Variants in ZWILCH observed in about 807,000 individuals in gnomAD.
ZWILCH encodes protein zwilch homolog.
A neutral mutation model predicts 79.9 loss-of-function variants in ZWILCH; 74 were observed. The ratio of observed to expected loss-of-function variants is 0.93; its 90% CI spans 0.77 to 1.12. The LOEUF (loss-of-function observed/expected upper bound fraction) is 1.12, where lower values mean the gene tolerates loss of function less well. Ranked by LOEUF, ZWILCH falls within the 50% of genes most tolerant of loss-of-function variation. The pLI, the probability that ZWILCH is intolerant of heterozygous loss-of-function variation, is 0.00. For synonymous variants in ZWILCH, 241 were observed against 228.2 expected (o/e 1.06, Z -0.51); for missense variants, 694 against 687.5 (o/e 1.01, Z -0.11).
At chr15:66,515,450 C>A in intron 3 of ZWILCH, 76 bp from the exon 4 acceptor site, 1 of 876,316 alleles carries the variant, frequency 1.1e-6, no homozygotes, top group Admixed American at 2.3e-5. Flanking sequence ...TGTCATTATT[C>A]TGTAGCATAG....
intron 1 of ZWILCH, among the ~76,000 whole-genome samples, chr15:66,507,986 G>A (rs1893892729): frequency 1.3e-5 from 2 of 150,400 alleles, no homozygotes; most frequent in Admixed American, 6.6e-5. Context: ...TGAGTTATAC[G>A]TAAGACATAA....
chr15:66,533,001 T>G lies in ZWILCH; in HGVS notation c.1329T>G (p.Ser443=), dbSNP rs1157556957. 2 of 1,581,414 alleles carry G rather than the reference T, an allele frequency of 1.3e-6. No homozygotes were observed. Among genetic ancestry groups the G allele is most frequent in the African/African-American group, 2.7e-5 (2 of 74,204 alleles). The stretch of plus-strand genomic sequence containing the variant: ...TCTTAATAGGTCAGGAACTTGCATC[T>G]TTGAATCATTTGGTGAGTTTATTTT... ...ISFFIGQELA[S]LNHLEYFIAP... is the part of the protein sequence containing the mutation. The change falls in exon 14 of 19, where the codon TCT becomes TCG. Residue 443 remains serine (S), a synonymous_variant. Coordinates refer to ENST00000307897, the MANE Select transcript of ZWILCH (RefSeq NM_017975.5).
chr15:66,508,992 T>C (rs1166768748), intron 2 of ZWILCH, 100 bp downstream of exon 2: 6 of 1,308,244 alleles, frequency 4.6e-6, no homozygotes, highest in South Asian at 3.8e-5. Flanking sequence ...CAGGCTGGAG[T>C]GCAGTGGCGC....
intron 3 of ZWILCH, chr15:66,514,306 A>C (rs937690177): frequency 1.0e-4 from 26 of 255,978 alleles, no homozygotes; most frequent in African/African-American, 6.3e-4. Context: ...AAATTCACTT[A>C]TTTCTTTTTT....
At chr15:66,519,731 C>G (rs958785378) in intron 5 of ZWILCH, among the ~76,000 whole-genome samples, 11 of 152,136 alleles carry the variant, frequency 7.2e-5, no homozygotes, top group African/African-American at 2.2e-4. Flanking sequence ...AGATCCACCC[C>G]CCTCGGCCTC....
chr15:66,509,848 T>C (rs1893980873), intron 2 of ZWILCH, among the ~76,000 whole-genome samples: 3 of 96,182 alleles, frequency 3.1e-5, no homozygotes, highest in African/African-American at 7.2e-5. Flanking sequence ...TATATATATA[T>C]ATATATATAT....
chr15:66,544,693 AT>A (rs200177202), intron 17 of ZWILCH, among the ~76,000 whole-genome samples: 1,909 of 137,544 alleles, frequency 0.014, 36 homozygotes, highest in African/African-American at 0.049. Flanking sequence ...TGTGAAAAAA[AT>A]GCCTTGTTTT....
intron 4 of ZWILCH, among the ~76,000 whole-genome samples, chr15:66,517,455 T>TATATATATATATATATATATAGAGAG (rs1180456312): frequency 1.0e-4 from 12 of 115,204 alleles, no homozygotes; most frequent in Admixed American, 2.0e-4. Flanking sequence ...TATATATATA[T>TATATATATATATATATATATAGAGAG]AGTAATGTAC....
chr15:66,506,264 C>A (rs1403636505), intron 1 of ZWILCH, among the ~76,000 whole-genome samples: 1 of 152,050 alleles, frequency 6.6e-6, no homozygotes, highest in East Asian at 1.9e-4. Context: ...AGAGCACTAG[C>A]TTTTAAAAAA....
At chr15:66,525,143 A>G (rs1260664990) in intron 8 of ZWILCH, among the ~76,000 whole-genome samples, 1 of 152,142 alleles carries the variant, frequency 6.6e-6, no homozygotes, top group African/African-American at 2.4e-5. Context: ...TCGTTCCTTC[A>G]ATTTCCTACG....
At chr15:66,521,807 T>C (rs1894503496) in intron 7 of ZWILCH, among the ~76,000 whole-genome samples, 1 of 152,154 alleles carries the variant, frequency 6.6e-6, no homozygotes, top group Non-Finnish European at 1.5e-5. Flanking sequence ...GGCCCTCTTA[T>C]TCTTAAAAGG....
intron 17 of ZWILCH, among the ~76,000 whole-genome samples, chr15:66,544,889 G>C (rs1194161262): frequency 6.6e-6 from 1 of 151,434 alleles, no homozygotes; most frequent in African/African-American, 2.4e-5. Context: ...GATTACAGGC[G>C]CGTGCCACCA....
chr15:66,518,288 C>CTTT (rs537865347), intron 4 of ZWILCH, among the ~76,000 whole-genome samples: 24 of 124,022 alleles, frequency 1.9e-4, no homozygotes, highest in Non-Finnish European at 3.5e-4. Context: ...CCTCTCGTGT[C>CTTT]TTTTTTTTTT....
intron 6 of ZWILCH, 69 bp from the exon 7 acceptor site, chr15:66,520,981 A>T: frequency 6.5e-7 from 1 of 1,530,976 alleles, no homozygotes; most frequent in South Asian, 1.2e-5. Flanking sequence ...GGATCAAAAT[A>T]ATTTGGGTAA....
At position 66,529,569 on chromosome 15, in the gene ZWILCH, C is replaced by G; in HGVS notation, c.1151C>G (p.Pro384Arg). The part of the protein sequence containing the change: ...IQSLQRGDIQ[P>R]WLHSGSNSLL... ...AGTCTACAACGTGGTGATATACAGC[C>G]ATGGGTAGGTTTAGTAGTGTGTGTC... The change falls in exon 12 of 19, where the codon CCA (proline) becomes CGA (arginine). Residue 384 changes from proline (P) to arginine (R), a missense_variant. Physicochemically the swap from Pro to Arg is moderately radical, Grantham distance 103. Transcript: ENST00000307897. The G allele has an allele frequency of 1.2e-6, 2 of 1,612,338 alleles. No individual in the cohort carries two copies. The highest frequency in any genetic ancestry group is 1.7e-6 in the Non-Finnish European group (2 of 1,178,512).
chr15:66,545,742 G>A (rs1463642232), intron 17 of ZWILCH, among the ~76,000 whole-genome samples: 1 of 152,140 alleles, frequency 6.6e-6, no homozygotes, highest in Non-Finnish European at 1.5e-5. Context: ...ACCCATTTTC[G>A]AAGGGGGTAT....
intron 10 of ZWILCH, 130 bp from the exon 11 acceptor site, chr15:66,528,722 T>C: frequency 1.5e-6 from 1 of 663,062 alleles, no homozygotes; most frequent in Admixed American, 2.8e-5. Context: ...GTGAATGAAG[T>C]TGTAGAAAAT....
intron 7 of ZWILCH, chr15:66,523,282 AGATTTATTGG>A (rs71455515): frequency 0.057 from 9,379 of 163,870 alleles, 366 homozygotes; most frequent in Middle Eastern, 0.1. Context: ...TCTAATAAAC[AGATTTATTGG>A]GAGACTTCAT....
intron 4 of ZWILCH, among the ~76,000 whole-genome samples, chr15:66,517,160 T>C (rs968712793): frequency 1.3e-5 from 2 of 152,016 alleles, no homozygotes; most frequent in African/African-American, 2.4e-5. Flanking sequence ...GTTACAAGAA[T>C]AGTGCATGAA....
Sources: allele counts gnomAD v4.1 joint callset (sites outside exome capture counted in the v4.1 genomes callset), GRCh38; gene constraint gnomAD v4.1.1; transcripts MANE v1.5; gene names NCBI Gene and HGNC (gene_info 2026-07-23, HGNC 2026-07-21).